Variants in LMX1B observed in about 807,000 individuals in gnomAD.
The protein encoded by LMX1B is LIM homeobox transcription factor 1 beta.
Under a neutral mutation model 51.4 loss-of-function variants are expected in LMX1B, and 12 were observed. The ratio of observed to expected loss-of-function variants is 0.23; its 90% CI spans 0.15 to 0.38. The LOEUF is 0.38. Ranked by LOEUF, LMX1B falls within the 10% of genes least tolerant of loss-of-function variation. The pLI, the probability that LMX1B is intolerant of heterozygous loss-of-function variation, is 1.00. For missense variants in LMX1B, 445 were observed against 571.1 expected (o/e 0.78, Z 2.25); for synonymous variants, 237 against 235.4 (o/e 1.01, Z -0.06).
At chr9:126,662,957 C>T (rs1836273553) in intron 2 of LMX1B, among the ~76,000 whole-genome samples, 1 of 152,206 alleles carries the variant, frequency 6.6e-6, no homozygotes, top group African/African-American at 2.4e-5. Flanking sequence ...AATCCAAACA[C>T]ACTGCTGGCA....
intron 2 of LMX1B, among the ~76,000 whole-genome samples, chr9:126,624,810 C>G (rs1413618363): frequency 6.6e-6 from 1 of 152,036 alleles, no homozygotes; most frequent in African/African-American, 2.4e-5. Context: ...CCCCGTTTTT[C>G]TCCCGGACTT....
At chr9:126,657,433 T>C (rs953560295) in intron 2 of LMX1B, among the ~76,000 whole-genome samples, 5 of 152,224 alleles carry the variant, frequency 3.3e-5, no homozygotes, top group Admixed American at 6.5e-5. Context: ...AGAACTCTGC[T>C]TATGTGCAAG....
chr9:126,639,051 G>T (rs776545878), intron 2 of LMX1B, among the ~76,000 whole-genome samples: 4 of 151,670 alleles, frequency 2.6e-5, no homozygotes, highest in African/African-American at 9.7e-5. Context: ...AAAGGGGAGG[G>T]GAAAGGAGAG....
At chr9:126,685,863 T>A (rs142839901) in intron 2 of LMX1B, among the ~76,000 whole-genome samples, 2 of 151,994 alleles carry the variant, frequency 1.3e-5, no homozygotes, top group Non-Finnish European at 2.9e-5. Flanking sequence ...GGACAGAGGC[T>A]CAAGAGAAGG....
intron 2 of LMX1B, among the ~76,000 whole-genome samples, chr9:126,660,112 C>A (rs112245209): frequency 1.3e-3 from 192 of 146,482 alleles, no homozygotes; most frequent in African/African-American, 1.6e-3. Context: ...GGTGTCTACA[C>A]TGCCCTTAGA....
chr9:126,635,722 C>G (rs1462608606), intron 2 of LMX1B, among the ~76,000 whole-genome samples: 1 of 152,206 alleles, frequency 6.6e-6, no homozygotes, highest in Non-Finnish European at 1.5e-5. Context: ...AACTGGGGCT[C>G]TGAGAGGTTA....
chr9:126,656,414 GATAGATAGATAGA>G (rs1836117495), intron 2 of LMX1B, among the ~76,000 whole-genome samples: 1 of 151,764 alleles, frequency 6.6e-6, no homozygotes, highest in Non-Finnish European at 1.5e-5. Context: ...TAGATAGATA[GATAGATAGATAGA>G]TAGATAGATA....
chr9:126,661,270 C>T lies in LMX1B; in HGVS notation c.327-29566C>T, dbSNP rs548690890. Among the ~76,000 whole-genome samples, 133 of 151,812 alleles carry T rather than the reference C, an allele frequency of 8.8e-4. 2 individuals carry two copies. The highest frequency in any genetic ancestry group is 3.0e-3 in the African/African-American group (125 of 41,334). Reference sequence around the variant, plus strand: ...GGGCGACCTCCCAGGCCAGCGTGGACGCCCCACGCAGGGCGACCTCTCAGG... The same window carrying T: ...GGGCGACCTCCCAGGCCAGCGTGGATGCCCCACGCAGGGCGACCTCTCAGG... On this transcript the variant is annotated intron_variant, in intron 2 of 7. Transcript: ENST00000373474.
At chr9:126,649,298 CACTT>C (rs565249595) in intron 2 of LMX1B, among the ~76,000 whole-genome samples, 272 of 152,310 alleles carry the variant, frequency 1.8e-3, no homozygotes, top group African/African-American at 6.2e-3. Context: ...CTGACCCTGT[CACTT>C]GCTTGCTTAA....
intron 2 of LMX1B, among the ~76,000 whole-genome samples, chr9:126,644,406 G>C (rs1482380800): frequency 1.3e-5 from 2 of 152,158 alleles, no homozygotes; most frequent in Non-Finnish European, 2.9e-5. Flanking sequence ...GAAGAGGGAG[G>C]GGGGAAAGTT....
Sources: gnomAD v4.1 joint callset for allele counts (sites outside exome capture counted in the v4.1 genomes callset) on GRCh38, gnomAD v4.1.1 for gene constraint, MANE v1.5 for transcripts, NCBI Gene and HGNC (gene_info 2026-07-23, HGNC 2026-07-21) for gene names.